Variants in CACNA2D3 observed in about 807,000 individuals in gnomAD.
CACNA2D3 encodes voltage-dependent calcium channel subunit alpha-2/delta-3.
CACNA2D3 carries 60 observed loss-of-function variants against 160.6 expected under a neutral mutation model. The observed-to-expected ratio is 0.37, with a 90% CI of 0.30 to 0.46. The LOEUF is 0.46. CACNA2D3 is among the 20% of genes least tolerant of loss of function. The pLI, the probability that CACNA2D3 is intolerant of heterozygous loss-of-function variation, is 1.00. For missense variants in CACNA2D3, 1,205 were observed against 1,365.0 expected, an observed-to-expected ratio of 0.88 and a Z score of 1.85; for synonymous variants, 558 against 492.9, an observed-to-expected ratio of 1.13 and a Z score of -1.75.
At chr3:54,319,706 G>C (rs1264511573) in intron 2 of CACNA2D3, among the ~76,000 whole-genome samples, 1 of 152,034 alleles carries the variant, frequency 6.6e-6, no homozygotes, top group Non-Finnish European at 1.5e-5. Flanking sequence ...TGGGTTACTT[G>C]TGTCTATTGA....
intron 2 of CACNA2D3, among the ~76,000 whole-genome samples, chr3:54,173,273 C>T (rs1028796338): frequency 6.6e-6 from 1 of 152,122 alleles, no homozygotes; most frequent in African/African-American, 2.4e-5. Context: ...TTGGGTCCTC[C>T]CCTCTTTGTC....
At chr3:54,479,513 T>C (rs1434655268) in intron 4 of CACNA2D3, among the ~76,000 whole-genome samples, 4 of 152,182 alleles carry the variant, frequency 2.6e-5, no homozygotes, top group African/African-American at 4.8e-5. Context: ...TGGAACCTGC[T>C]TCCTGCTTGT....
intron 35 of CACNA2D3, among the ~76,000 whole-genome samples, chr3:55,044,944 C>G (rs1264492626): frequency 6.6e-6 from 1 of 152,054 alleles, no homozygotes; most frequent in Non-Finnish European, 1.5e-5. Flanking sequence ...TTGGGGTAAA[C>G]CATACTTGGT....
intron 24 of CACNA2D3, 58 bp from the exon 25 acceptor site, chr3:54,891,297 A>C (rs1203328028): frequency 8.8e-7 from 1 of 1,138,158 alleles, no homozygotes; most frequent in Non-Finnish European, 1.3e-6. Context: ...TTAAAATGCA[A>C]TGTATTATCT....
intron 3 of CACNA2D3, among the ~76,000 whole-genome samples, chr3:54,350,856 G>A (rs1217327277): frequency 1.3e-5 from 2 of 151,890 alleles, no homozygotes; most frequent in Admixed American, 6.6e-5. Flanking sequence ...CCTGTCTCAC[G>A]GCTTTTAACA....
intron 2 of CACNA2D3, among the ~76,000 whole-genome samples, chr3:54,255,512 C>T (rs144690675): frequency 9.9e-4 from 151 of 152,304 alleles, no homozygotes; most frequent in African/African-American, 3.4e-3. Flanking sequence ...TGATCATCAT[C>T]TCTCCTCTGA....
intron 3 of CACNA2D3, among the ~76,000 whole-genome samples, chr3:54,359,718 G>T (rs1195443609): frequency 3.3e-5 from 5 of 152,248 alleles, no homozygotes; most frequent in Non-Finnish European, 2.9e-5. Context: ...TGCAGTAAAG[G>T]AATCTGCTTA....
At chr3:54,581,550 G>A (rs975800005) in intron 8 of CACNA2D3, among the ~76,000 whole-genome samples, 1 of 152,168 alleles carries the variant, frequency 6.6e-6, no homozygotes, top group Non-Finnish European at 1.5e-5. Context: ...TTAACAGGGT[G>A]CACCCTGAAC....
intron 13 of CACNA2D3, among the ~76,000 whole-genome samples, chr3:54,777,636 A>G (rs1702448781): frequency 1.3e-5 from 2 of 152,328 alleles, no homozygotes; most frequent in South Asian, 4.1e-4. Context: ...TGAAGTGATC[A>G]AATTAAAGGC....
chr3:54,141,080 T>C (rs942319966), intron 2 of CACNA2D3, among the ~76,000 whole-genome samples: 8 of 125,406 alleles, frequency 6.4e-5, no homozygotes, highest in Admixed American at 5.5e-4. Context: ...TGTGTGTGTG[T>C]GTGTGTGCGC....
At chr3:54,392,536 T>C (rs993289518) in intron 4 of CACNA2D3, among the ~76,000 whole-genome samples, 2 of 152,190 alleles carry the variant, frequency 1.3e-5, no homozygotes, top group African/African-American at 4.8e-5. Context: ...AAAAGAGAAG[T>C]GTGGTGACAT....
At chr3:54,524,464 T>C (rs1004383262) in intron 5 of CACNA2D3, among the ~76,000 whole-genome samples, 1 of 152,070 alleles carries the variant, frequency 6.6e-6, no homozygotes, top group African/African-American at 2.4e-5. Context: ...GTGAGAAGAA[T>C]GTGTAATGTA....
intron 4 of CACNA2D3, among the ~76,000 whole-genome samples, chr3:54,425,050 C>T (rs1210743018): frequency 6.6e-6 from 1 of 152,228 alleles, no homozygotes. Context: ...TCAGAAAGAG[C>T]TGGGCGCGGT....
intron 27 of CACNA2D3, among the ~76,000 whole-genome samples, chr3:54,930,792 A>G (rs1450842810): frequency 1.3e-5 from 2 of 152,206 alleles, no homozygotes; most frequent in African/African-American, 4.8e-5. Flanking sequence ...CTGGTAGAGC[A>G]AAAGATCCAA....
chr3:54,928,122 G>T (rs1233844153), intron 27 of CACNA2D3: 4 of 560,290 alleles, frequency 7.1e-6, no homozygotes, highest in Non-Finnish European at 1.3e-5. Context: ...ATCTGGCTGG[G>T]ATCAGTTTCC....
At chr3:54,972,856 G>A (rs1702305519) in intron 29 of CACNA2D3, among the ~76,000 whole-genome samples, 1 of 152,106 alleles carries the variant, frequency 6.6e-6, no homozygotes, top group African/African-American at 2.4e-5. Context: ...AGCCATTGAG[G>A]CAACAGTTCA....
intron 4 of CACNA2D3, among the ~76,000 whole-genome samples, chr3:54,452,868 T>G (rs1700332095): frequency 6.6e-6 from 1 of 152,182 alleles, no homozygotes; most frequent in Non-Finnish European, 1.5e-5. Flanking sequence ...ATGCCTTGGC[T>G]TCCTGCTGCA....
intron 35 of CACNA2D3, among the ~76,000 whole-genome samples, chr3:55,056,467 A>G (rs1178572047): frequency 1.3e-5 from 2 of 152,188 alleles, no homozygotes; most frequent in African/African-American, 4.8e-5. Flanking sequence ...TTTACCCAAA[A>G]GATTTGAAAT....
chr3:54,338,678 G>T (rs1704450260), intron 3 of CACNA2D3, among the ~76,000 whole-genome samples: 1 of 152,118 alleles, frequency 6.6e-6, no homozygotes, highest in African/African-American at 2.4e-5. Flanking sequence ...AATGGTCTGT[G>T]GGACCTCCTG....
Sources: allele counts gnomAD v4.1 joint callset (sites outside exome capture counted in the v4.1 genomes callset), GRCh38; gene constraint gnomAD v4.1.1; transcripts MANE v1.5; gene names NCBI Gene and HGNC (gene_info 2026-07-23, HGNC 2026-07-21).